Variants in NUBPL observed in about 807,000 individuals in gnomAD.
NUBPL encodes NUBP iron-sulfur cluster assembly factor, mitochondrial.
Under a neutral mutation model 45.7 loss-of-function variants are expected in NUBPL, and 31 were observed. That is an observed-to-expected ratio of 0.68 (90% CI 0.51 to 0.92). The LOEUF (loss-of-function observed/expected upper bound fraction) is 0.92. Among genes scored for constraint, NUBPL ranks in the 40% least tolerant of loss-of-function variants. NUBPL has a pLI of 0.00. For missense variants in NUBPL, 401 were observed against 398.7 expected (o/e 1.01, Z -0.05); for synonymous variants, 144 against 140.9 (o/e 1.02, Z -0.15).
intron 6 of NUBPL, among the ~76,000 whole-genome samples, chr14:31,747,466 T>G (rs2038426949): frequency 6.6e-6 from 1 of 152,184 alleles, no homozygotes; most frequent in Admixed American, 6.5e-5. Flanking sequence ...ATGCGAGACT[T>G]TTTATTATTG....
At position 31,820,778 on chromosome 14, in the gene NUBPL, C is replaced by T. The variant is rs369470302; in HGVS notation, c.608-5851C>T. On this transcript the variant is annotated intron_variant, in intron 7 of 10. Transcript: ENST00000281081. Reference sequence around the variant, plus strand: ...GGTGGAGGTTGCAGTGAGACGAGATCGTGCCATTGGCACTCCAGCCTGGGC... The same window carrying T: ...GGTGGAGGTTGCAGTGAGACGAGATTGTGCCATTGGCACTCCAGCCTGGGC... Among the ~76,000 whole-genome samples the T allele has an allele frequency of 2.5e-3, 245 of 99,316 alleles. 1 individual carries two copies. Among genetic ancestry groups the T allele is most frequent in the African/African-American group, 0.015 (232 of 15,388 alleles). The allele number at this position is 99,316 out of a possible 152,430, so 65.2% of individuals were successfully genotyped here.
Position 31,843,499 on chromosome 14 carries a change from A to G in NUBPL, c.694-2972A>G, listed in dbSNP as rs374177115. 9.2e-4 allele frequency among the ~76,000 whole-genome samples: 140 copies of G among 152,310 alleles called. 3 individuals carry two copies. The South Asian group carries it at 0.029, about 31-fold the overall frequency. On this transcript the variant is annotated intron_variant, in intron 8 of 10. Transcript: ENST00000281081. Reference sequence around the variant, plus strand: ...CACTGAAGTCCTGAGTAATGAGTCAACTACAACTACAGGCATAGTGGCCTC... The same window carrying G: ...CACTGAAGTCCTGAGTAATGAGTCAGCTACAACTACAGGCATAGTGGCCTC...
chr14:31,814,622 C>G (rs1053542250), intron 7 of NUBPL, among the ~76,000 whole-genome samples: 2 of 151,962 alleles, frequency 1.3e-5, no homozygotes, highest in African/African-American at 2.4e-5. Flanking sequence ...ATGCCTATAT[C>G]CTGAATGGTA....
chr14:31,641,613 G>A (rs2035702211), intron 4 of NUBPL, among the ~76,000 whole-genome samples: 1 of 152,042 alleles, frequency 6.6e-6, no homozygotes, highest in Non-Finnish European at 1.5e-5. Flanking sequence ...CCATATTTTA[G>A]GTCTTGTGAA....
chr14:31,769,689 G>A (rs971814145), intron 6 of NUBPL, among the ~76,000 whole-genome samples: 2 of 149,272 alleles, frequency 1.3e-5, no homozygotes, highest in Admixed American at 6.6e-5. Flanking sequence ...TTGTTATTTT[G>A]GTGCTTTTGG....
intron 8 of NUBPL, among the ~76,000 whole-genome samples, chr14:31,829,871 C>G (rs2040162367): frequency 6.6e-6 from 1 of 152,106 alleles, no homozygotes. Flanking sequence ...GCAACTATGC[C>G]AAATCCTCAA....
At chr14:31,780,815 A>G (rs939129960) in intron 6 of NUBPL, among the ~76,000 whole-genome samples, 1 of 152,232 alleles carries the variant, frequency 6.6e-6, no homozygotes, top group African/African-American at 2.4e-5. Context: ...TCGGTAGCAT[A>G]TAACTAATTT....
intron 9 of NUBPL, among the ~76,000 whole-genome samples, chr14:31,848,109 T>A (rs1171840109): frequency 6.6e-6 from 1 of 152,224 alleles, no homozygotes; most frequent in Non-Finnish European, 1.5e-5. Flanking sequence ...AACCAATGGC[T>A]CACAGATGTA....
intron 4 of NUBPL, among the ~76,000 whole-genome samples, chr14:31,633,011 T>G (rs1027591260): frequency 2.6e-5 from 4 of 152,230 alleles, no homozygotes; most frequent in Non-Finnish European, 5.9e-5. Flanking sequence ...TGTAAGTCAT[T>G]TAGAGGAAGC....
chr14:31,843,493 G>T (rs938573603), intron 8 of NUBPL, among the ~76,000 whole-genome samples: 1 of 152,168 alleles, frequency 6.6e-6, no homozygotes, highest in Non-Finnish European at 1.5e-5. Flanking sequence ...CCTGAGTAAT[G>T]AGTCAACTAC....
At chr14:31,782,262 G>C (rs1194590210) in intron 6 of NUBPL, among the ~76,000 whole-genome samples, 3 of 152,060 alleles carry the variant, frequency 2.0e-5, no homozygotes, top group Non-Finnish European at 4.4e-5. Context: ...GGGCATGGTG[G>C]TGGGTGCCTG....
intron 3 of NUBPL, among the ~76,000 whole-genome samples, chr14:31,595,819 A>G (rs893489405): frequency 6.6e-6 from 1 of 152,072 alleles, no homozygotes; most frequent in Admixed American, 6.5e-5. Context: ...AGCAATGGTA[A>G]CTGTACTGGT....
intron 4 of NUBPL, among the ~76,000 whole-genome samples, chr14:31,608,084 A>G (rs1482167458): frequency 6.6e-6 from 1 of 152,218 alleles, no homozygotes; most frequent in Non-Finnish European, 1.5e-5. Flanking sequence ...AGAGAATGGC[A>G]TGACATATTT....
At chr14:31,654,273 A>G (rs1030296819) in intron 4 of NUBPL, 2 of 262,170 alleles carry the variant, frequency 7.6e-6, no homozygotes, top group African/African-American at 4.4e-5. Context: ...TTACTTAAAA[A>G]TGCTAATGAT....
At chr14:31,816,976 G>C (rs1329782787) in intron 7 of NUBPL, among the ~76,000 whole-genome samples, 1 of 151,872 alleles carries the variant, frequency 6.6e-6, no homozygotes, top group African/African-American at 2.4e-5. Context: ...CCAGTTTAGA[G>C]AAGAACATAA....
At chr14:31,808,303 C>T (rs997188673) in intron 7 of NUBPL, among the ~76,000 whole-genome samples, 13 of 152,068 alleles carry the variant, frequency 8.5e-5, no homozygotes, top group Non-Finnish European at 1.3e-4. Flanking sequence ...TTTCATTGAG[C>T]AGTGGTTTGT....
intron 4 of NUBPL, among the ~76,000 whole-genome samples, chr14:31,636,573 T>A (rs972727501): frequency 5.3e-5 from 8 of 152,092 alleles, no homozygotes; most frequent in African/African-American, 1.7e-4. Flanking sequence ...TGTCTCTGCC[T>A]GGCTTTGGTA....
At chr14:31,763,074 T>C (rs1243551980) in intron 6 of NUBPL, among the ~76,000 whole-genome samples, 1 of 152,184 alleles carries the variant, frequency 6.6e-6, no homozygotes, top group African/African-American at 2.4e-5. Context: ...GAGAAATGTA[T>C]ATGCCTCTAT....
chr14:31,672,271 ATATGTG>A (rs778760954), intron 4 of NUBPL, among the ~76,000 whole-genome samples: 6 of 57,392 alleles, frequency 1.0e-4, no homozygotes, highest in African/African-American at 3.6e-4. Flanking sequence ...GACTGATTAG[ATATGTG>A]TGTGTGTGTG....
Sources: allele counts gnomAD v4.1 joint callset (sites outside exome capture counted in the v4.1 genomes callset), GRCh38; gene constraint gnomAD v4.1.1; transcripts MANE v1.5; gene names NCBI Gene and HGNC (gene_info 2026-07-23, HGNC 2026-07-21).